PRRC2C: variants seen among roughly 807,000 people sequenced by gnomAD.
The protein encoded by PRRC2C is proline rich coiled-coil 2C.
Under a neutral mutation model 317.2 loss-of-function variants are expected in PRRC2C, and 72 were observed. The ratio of observed to expected loss-of-function variants is 0.23; its 90% CI spans 0.19 to 0.28. The LOEUF is 0.28. Among genes scored for constraint, PRRC2C ranks in the 10% least tolerant of loss-of-function variants. The pLI is 1.00. For missense variants in PRRC2C, 3,074 were observed against 3,459.7 expected (o/e 0.89, Z 2.80); for synonymous variants, 1,296 against 1,205.9 (o/e 1.07, Z -1.55).
In PRRC2C at chr1:171,545,582, T is replaced by C; in HGVS notation, c.4867T>C (p.Ser1623Pro). The change falls in exon 17 of 35, where the codon TCC becomes CCC. Residue 1623 changes from serine (S) to proline (P), a missense_variant. Ser to Pro is a moderately conservative substitution (Grantham distance 74). Transcript: ENST00000647382. ...GVPNGTGQKN[S>P]KDSTGKKRED... ...ACCTAATGGTACAGGACAAAAGAAC[T>C]CCAAAGATTCTACTGGGAAAAAAAG... The C allele has an allele frequency of 3.7e-6, 6 of 1,609,806 alleles. No homozygotes were observed. Among genetic ancestry groups the C allele is most frequent in the Non-Finnish European group, 5.1e-6 (6 of 1,178,032 alleles).
At position 171,519,073 on chromosome 1, in the gene PRRC2C, A is replaced by T. The variant is rs142542273; in HGVS notation, c.750+1259A>T. Among the ~76,000 whole-genome samples, 442 of 150,972 alleles carry T rather than the reference A, an allele frequency of 2.9e-3. 2 individuals are homozygous for T. Among genetic ancestry groups the T allele is most frequent in the Non-Finnish European group, 5.2e-3 (349 of 67,640 alleles). On this transcript the variant is annotated intron_variant, in intron 6 of 34. Coordinates refer to ENST00000647382, the MANE Select transcript of PRRC2C (RefSeq NM_001387844.1). ...TAATTTTTATATTTTTAGTAGAGAC[A>T]GGATTTTGCCATGTTGGCAAGGTTG...
At position 171,536,231 on chromosome 1, in the gene PRRC2C, G is replaced by T. The variant is rs534767426; in HGVS notation, c.2246G>T (p.Arg749Leu). ...ATGATGCAGTCCTACATGGATCCTC[G>T]AATGATGTCAGGAAGACCTGCTATG... is the stretch of plus-strand genomic sequence containing the variant. ...WLMMQSYMDP[R>L]MMSGRPAMDI... The change falls in exon 14 of 35, where the codon CGA (arginine) becomes CTA (leucine). Residue 749 changes from arginine (R) to leucine (L), a missense_variant. Arg to Leu is a moderately radical substitution (Grantham distance 102, BLOSUM62 -2). Coordinates refer to ENST00000647382, the MANE Select transcript of PRRC2C (RefSeq NM_001387844.1). 1 of 1,613,712 alleles carries T rather than the reference G, an allele frequency of 6.2e-7. No homozygotes were observed. Among genetic ancestry groups the T allele is most frequent in the Non-Finnish European group, 8.5e-7 (1 of 1,179,768 alleles).
Position 171,488,479 on chromosome 1 carries a change from TAG to T in PRRC2C, c.-58+2749_-58+2750del, listed in dbSNP as rs576532637. Among the ~76,000 whole-genome samples the T allele has an allele frequency of 4.2e-3, 634 of 152,348 alleles. 1 individual carries two copies. The highest frequency in any genetic ancestry group is 7.5e-3 in the Non-Finnish European group (512 of 68,022). On this transcript the variant is annotated intron_variant, in intron 1 of 34. Transcript: ENST00000647382. ...CACCTTTGTGGATAAAAGCGTTCTA[TAG>T]AGAGGGTAACTTTAGTAAATTTTCT...
chr1:171,500,538 CGG>C (rs1484562158), intron 1 of PRRC2C, among the ~76,000 whole-genome samples: 9 of 151,946 alleles, frequency 5.9e-5, no homozygotes, highest in Admixed American at 1.3e-4. Context: ...CTTGAACTAC[CGG>C]TACACGCCAC....
intron 1 of PRRC2C, among the ~76,000 whole-genome samples, chr1:171,500,668 AT>A (rs1226828337): frequency 2.0e-5 from 3 of 152,202 alleles, no homozygotes; most frequent in Non-Finnish European, 4.4e-5. Flanking sequence ...TCCTTTTGTT[AT>A]CACTGTTCAG....
At chr1:171,524,758 A>C (rs1415449568) in intron 9 of PRRC2C, 63 bp from the exon 10 acceptor site, 4 of 1,440,884 alleles carry the variant, frequency 2.8e-6, no homozygotes, top group Non-Finnish European at 3.7e-6. Flanking sequence ...TAATTGCAAA[A>C]ATAATGTGTG....
At chr1:171,573,520 T>C (rs1042326418) in intron 24 of PRRC2C, among the ~76,000 whole-genome samples, 1 of 152,134 alleles carries the variant, frequency 6.6e-6, no homozygotes, top group Admixed American at 6.5e-5. Context: ...CAAGTGATTT[T>C]GAGAAAAAGA....
chr1:171,584,589 T>C (rs1168817387), intron 30 of PRRC2C, 63 bp downstream of exon 30: 2 of 1,486,130 alleles, frequency 1.3e-6, no homozygotes, highest in Non-Finnish European at 1.8e-6. Flanking sequence ...GCTTTTGTTA[T>C]TGTTTGGGAA....
intron 1 of PRRC2C, among the ~76,000 whole-genome samples, chr1:171,500,339 C>G (rs1426342230): frequency 1.3e-5 from 2 of 152,182 alleles, no homozygotes; most frequent in Non-Finnish European, 2.9e-5. Context: ...TAGCTAATCT[C>G]TTTAACAAAT....
chr1:171,535,361 G>A (rs1197179285), intron 12 of PRRC2C, 67 bp from the exon 13 acceptor site: 3 of 1,416,798 alleles, frequency 2.1e-6, no homozygotes, highest in African/African-American at 1.4e-5. Flanking sequence ...CTCAGTCTTT[G>A]TAAAAATCCT....
In PRRC2C at chr1:171,577,646, T is replaced by C; in HGVS notation, c.7159+9T>C. ...GTCTCAGTCTGCAGCAGGTAATGTTTTTAGGCTTGAATATAAGGAATTTAG... is the reference window on the plus strand; with the variant it reads ...GTCTCAGTCTGCAGCAGGTAATGTTCTTAGGCTTGAATATAAGGAATTTAG... On this transcript the variant is annotated intron_variant, in intron 26 of 34. Coordinates refer to ENST00000647382, the MANE Select transcript of PRRC2C (RefSeq NM_001387844.1). 6.2e-7 allele frequency: 1 copy of C among 1,606,838 alleles called. No individual in the cohort carries two copies. Among genetic ancestry groups the C allele is most frequent in the Non-Finnish European group, 8.5e-7 (1 of 1,173,552 alleles).
chr1:171,527,907 GAC>G (rs1414322597), intron 11 of PRRC2C, 63 bp downstream of exon 11: 17 of 1,379,652 alleles, frequency 1.2e-5, no homozygotes, highest in African/African-American at 1.5e-5. Flanking sequence ...TTGGTGGAAA[GAC>G]ACCAAATTTT....
intron 17 of PRRC2C, 82 bp downstream of exon 17, chr1:171,545,769 T>A (rs1325978224): frequency 1.0e-6 from 1 of 955,274 alleles, no homozygotes. Context: ...AAAATGTAGA[T>A]GCCACAATTA....
chr1:171,559,557 T>C (rs1682234997), intron 19 of PRRC2C, among the ~76,000 whole-genome samples: 1 of 129,354 alleles, frequency 7.7e-6, no homozygotes, highest in African/African-American at 2.9e-5. Flanking sequence ...GTTTCACTCT[T>C]GTCACCTAGG....
intron 28 of PRRC2C, among the ~76,000 whole-genome samples, chr1:171,583,674 T>G (rs1024201847): frequency 6.6e-6 from 1 of 152,230 alleles, no homozygotes; most frequent in Non-Finnish European, 1.5e-5. Context: ...CTGTTAGGAC[T>G]GTAGGTGTAG....
At chr1:171,589,308 G>GT (rs11284338) in intron 33 of PRRC2C, 61 bp from the exon 34 acceptor site, 43,301 of 430,266 alleles carry the variant, frequency 0.1, 234 homozygotes, top group South Asian at 0.13. Context: ...CTAGTTGGCA[G>GT]TTTTTTTTTT....
intron 1 of PRRC2C, among the ~76,000 whole-genome samples, chr1:171,487,405 ATT>A (rs1666330516): frequency 2.0e-5 from 3 of 152,202 alleles, no homozygotes; most frequent in South Asian, 4.1e-4. Flanking sequence ...ATAAAGCATT[ATT>A]AACTAGTAGT....
intron 1 of PRRC2C, among the ~76,000 whole-genome samples, chr1:171,494,193 A>G (rs1456161971): frequency 1.3e-5 from 2 of 152,258 alleles, no homozygotes; most frequent in Non-Finnish European, 2.9e-5. Flanking sequence ...TTTTAAGGAC[A>G]GCAGTTTTTA....
At chr1:171,569,849 A>G (rs1684444934) in intron 23 of PRRC2C, among the ~76,000 whole-genome samples, 1 of 151,532 alleles carries the variant, frequency 6.6e-6, no homozygotes, top group Non-Finnish European at 1.5e-5. Context: ...CTCTGAAAAT[A>G]TGATTTATAA....
Sources: allele counts gnomAD v4.1 joint callset (sites outside exome capture counted in the v4.1 genomes callset), GRCh38; gene constraint gnomAD v4.1.1; transcripts MANE v1.5; gene names NCBI Gene and HGNC (gene_info 2026-07-23, HGNC 2026-07-21).